The following GLRA2 variants were observed in gnomAD, a reference collection of about 807,000 sequenced individuals.
GLRA2 encodes glycine receptor alpha 2.
Under a neutral mutation model 31.6 loss-of-function variants are expected in GLRA2, and 11 were observed. That is an observed-to-expected ratio of 0.35 (90% CI 0.22 to 0.58). The LOEUF (loss-of-function observed/expected upper bound fraction) is 0.58, where lower values mean the gene tolerates loss of function less well. Among genes scored for constraint, GLRA2 ranks in the 20% least tolerant of loss-of-function variants. GLRA2 has a pLI of 0.84. For missense variants in GLRA2, 212 were observed against 351.8 expected (o/e 0.60, Z 3.18); for synonymous variants, 132 against 134.0 (o/e 0.99, Z 0.10).
chrX:14,695,666 A>G (rs769738219), intron 8 of GLRA2, among the ~76,000 whole-genome samples: 2 of 111,999 alleles, frequency 1.8e-5, no homozygotes, highest in Non-Finnish European at 3.8e-5. Context: ...GTGCTTCACC[A>G]TTGTACAAAC....
the GLRA2 span, among the ~76,000 whole-genome samples, chrX:14,464,710 C>G: frequency 9.9e-5 from 11 of 111,489 alleles, no homozygotes; most frequent in Non-Finnish European, 1.9e-4. Context: ...GCACCCACCA[C>G]CACGCCCAGC....
chrX:14,548,191 C>T (rs2089506041), intron 2 of GLRA2, among the ~76,000 whole-genome samples: 1 of 111,395 alleles, frequency 9.0e-6, no homozygotes, highest in Admixed American at 9.6e-5. Flanking sequence ...AAAAAGTTAT[C>T]CTGCTGCCAA....
At chrX:14,547,585 T>C (rs2089499393) in intron 2 of GLRA2, among the ~76,000 whole-genome samples, 1 of 111,264 alleles carries the variant, frequency 9.0e-6, no homozygotes, top group African/African-American at 3.3e-5. Flanking sequence ...ATATTGTCAA[T>C]TTCAACATCT....
chrX:14,729,557 A>G, intron 8 of GLRA2, among the ~76,000 whole-genome samples: 1 of 111,990 alleles, frequency 8.9e-6, no homozygotes, highest in Non-Finnish European at 1.9e-5. Flanking sequence ...GAAATGATTC[A>G]CCAGCCAAAT....
At chrX:14,554,322 C>T (rs1271020727) in intron 2 of GLRA2, among the ~76,000 whole-genome samples, 4 of 111,871 alleles carry the variant, frequency 3.6e-5, no homozygotes, top group Admixed American at 1.9e-4. Context: ...TAGTGACCTT[C>T]CCACCCTCAG....
At chrX:14,643,345 G>T (rs2090795752) in intron 7 of GLRA2, among the ~76,000 whole-genome samples, 2 of 111,594 alleles carry the variant, frequency 1.8e-5, no homozygotes, top group African/African-American at 3.3e-5. Flanking sequence ...TAAATTTGTG[G>T]TGATATGTTA....
At chrX:14,681,935 A>ATATATATATATATATGTATG (rs2091215436) in intron 7 of GLRA2, among the ~76,000 whole-genome samples, 1 of 77,428 alleles carries the variant, frequency 1.3e-5, no homozygotes, top group Non-Finnish European at 2.6e-5. Flanking sequence ...ATATATGTAT[A>ATATATATATATATATGTATG]TATATGTGTG....
chrX:14,482,065 C>A, the GLRA2 span, among the ~76,000 whole-genome samples: 1 of 111,860 alleles, frequency 8.9e-6, no homozygotes, highest in Non-Finnish European at 1.9e-5. Context: ...TGCTTTAAAT[C>A]CTAATTGGTG....
chrX:14,621,867 G>A (rs952418101), intron 7 of GLRA2, among the ~76,000 whole-genome samples: 1 of 112,087 alleles, frequency 8.9e-6, no homozygotes, highest in African/African-American at 3.2e-5. Flanking sequence ...AATCCTTTGG[G>A]TATATACCCA....
the GLRA2 span, among the ~76,000 whole-genome samples, chrX:14,462,033 G>A: frequency 1.8e-5 from 2 of 112,090 alleles, no homozygotes; most frequent in Admixed American, 1.9e-4. Context: ...GCTCTTGTAA[G>A]GCAGGCCTGG....
chrX:14,562,602 C>T (rs2089747481), intron 2 of GLRA2, among the ~76,000 whole-genome samples: 1 of 112,164 alleles, frequency 8.9e-6, no homozygotes. Context: ...GTTCTGAAGG[C>T]CAGAAGTCCA....
intron 5 of GLRA2, among the ~76,000 whole-genome samples, chrX:14,605,113 T>G (rs3027385): frequency 9.0e-6 from 1 of 111,404 alleles, no homozygotes; most frequent in Non-Finnish European, 1.9e-5. Flanking sequence ...AGTTAAGAGA[T>G]ATGAATTTCT....
At chrX:14,571,976 C>T (rs926357154) in intron 2 of GLRA2, among the ~76,000 whole-genome samples, 1 of 111,820 alleles carries the variant, frequency 8.9e-6, no homozygotes, top group Non-Finnish European at 1.9e-5. Context: ...TGTGATGGGA[C>T]TTCAAGCAAT....
At chrX:14,458,178 A>T in the GLRA2 span, among the ~76,000 whole-genome samples, 1 of 110,811 alleles carries the variant, frequency 9.0e-6, no homozygotes, top group South Asian at 3.8e-4. Context: ...AGCTTCATCC[A>T]TGTCCCTACA....
chrX:14,611,037 G>A (rs1480664601), intron 7 of GLRA2, among the ~76,000 whole-genome samples: 1 of 112,202 alleles, frequency 8.9e-6, no homozygotes, highest in Non-Finnish European at 1.9e-5. Context: ...CTTCCTCTGT[G>A]TACTTTTCTT....
intron 2 of GLRA2, among the ~76,000 whole-genome samples, chrX:14,563,870 A>C (rs745502776): frequency 2.5e-4 from 28 of 111,753 alleles, no homozygotes; most frequent in Non-Finnish European, 4.1e-4. Context: ...AGAAGAAAGA[A>C]TCAGTTAATG....
intron 8 of GLRA2, among the ~76,000 whole-genome samples, chrX:14,718,576 C>G (rs181007683): frequency 1.8e-5 from 2 of 111,971 alleles, no homozygotes; most frequent in Admixed American, 1.9e-4. Flanking sequence ...CATATTAGCT[C>G]AGACGATTCA....
At chrX:14,658,110 A>G (rs2090957455) in intron 7 of GLRA2, among the ~76,000 whole-genome samples, 1 of 111,680 alleles carries the variant, frequency 9.0e-6, no homozygotes, top group African/African-American at 3.3e-5. Flanking sequence ...GTCATATTGC[A>G]TATCTTCCTG....
At chrX:14,493,640 C>CAT in the GLRA2 span, among the ~76,000 whole-genome samples, 20 of 90,387 alleles carry the variant, frequency 2.2e-4, no homozygotes, top group Non-Finnish European at 8.1e-5. Context: ...TACATATATA[C>CAT]ATATATATAC....
Sources: gnomAD v4.1 joint callset for allele counts (sites outside exome capture counted in the v4.1 genomes callset) on GRCh38, gnomAD v4.1.1 for gene constraint, MANE v1.5 for transcripts, NCBI Gene and HGNC (gene_info 2026-07-23, HGNC 2026-07-21) for gene names.